The following SH3KBP1 variants were observed in gnomAD, a reference collection of about 807,000 sequenced individuals.
SH3KBP1 encodes the protein SH3 domain-containing kinase-binding protein 1.
Under a neutral mutation model 50.1 loss-of-function variants are expected in SH3KBP1, and 8 were observed. The ratio of observed to expected loss-of-function variants is 0.16; its 90% CI spans 0.09 to 0.29. The LOEUF is 0.29. Ranked by LOEUF, SH3KBP1 falls within the 10% of genes least tolerant of loss-of-function variation. The pLI is 1.00. For synonymous variants in SH3KBP1, 227 were observed against 218.6 expected (o/e 1.04, Z -0.34); for missense variants, 377 against 535.2 (o/e 0.70, Z 2.92).
At chrX:19,749,955 C>T (rs2065015817) in intron 2 of SH3KBP1, among the ~76,000 whole-genome samples, 2 of 112,089 alleles carry the variant, frequency 1.8e-5, no homozygotes. Flanking sequence ...TATGGCCCTA[C>T]TCAGACACCC....
intron 9 of SH3KBP1, among the ~76,000 whole-genome samples, chrX:19,603,495 G>C (rs943163661): frequency 8.9e-6 from 1 of 111,958 alleles, no homozygotes; most frequent in Non-Finnish European, 1.9e-5. Flanking sequence ...GGACATCTTC[G>C]AGGGCAGGTT....
At chrX:19,782,845 G>A (rs2066221876) in intron 2 of SH3KBP1, among the ~76,000 whole-genome samples, 1 of 111,680 alleles carries the variant, frequency 9.0e-6, no homozygotes, top group African/African-American at 3.3e-5. Flanking sequence ...GGTGGCTCAT[G>A]CCTGTAATCC....
At chrX:19,794,270 T>C (rs2066637528) in intron 2 of SH3KBP1, among the ~76,000 whole-genome samples, 2 of 104,237 alleles carry the variant, frequency 1.9e-5, no homozygotes, top group South Asian at 8.5e-4. Flanking sequence ...GGCATGGTGG[T>C]GTGCAACTAT....
chrX:19,539,143 C>T (rs1457239937), intron 16 of SH3KBP1, among the ~76,000 whole-genome samples: 1 of 112,218 alleles, frequency 8.9e-6, no homozygotes, highest in Non-Finnish European at 1.9e-5. Flanking sequence ...TAGGACACTG[C>T]AAGCATCCAA....
Position 19,887,296 on chromosome X carries a change from C to T in SH3KBP1, c.4+11G>A, listed in dbSNP as rs2069623205. 2.1e-6 allele frequency: 2 copies of T among 973,686 alleles called. No homozygotes were observed. Among genetic ancestry groups the T allele is most frequent in the African/African-American group, 2.0e-5 (1 of 49,377 alleles). 80.2% of individuals were successfully genotyped at this position (973,686 alleles called of 1,213,427 possible). On this transcript the variant is annotated intron_variant, in intron 1 of 17. Transcript: ENST00000397821. ...GAAGTGGACGCCCGGACGCGGGCGGCCCCCACTCACCCATTGGCGTCGAGC... is the reference window on the plus strand; with the variant it reads ...GAAGTGGACGCCCGGACGCGGGCGGTCCCCACTCACCCATTGGCGTCGAGC...
At chrX:19,823,277 T>C (rs1183786911) in intron 2 of SH3KBP1, among the ~76,000 whole-genome samples, 1 of 112,070 alleles carries the variant, frequency 8.9e-6, no homozygotes, top group African/African-American at 3.3e-5. Flanking sequence ...AAAGTCCCGA[T>C]AGGCTCAACT....
intron 2 of SH3KBP1, among the ~76,000 whole-genome samples, chrX:19,797,098 G>A (rs755281000): frequency 8.9e-6 from 1 of 112,637 alleles, no homozygotes; most frequent in East Asian, 2.8e-4. Context: ...TGCCCTCATG[G>A]AGCTAAAATT....
intron 2 of SH3KBP1, among the ~76,000 whole-genome samples, chrX:19,830,426 T>C (rs2067837009): frequency 9.0e-6 from 1 of 111,035 alleles, no homozygotes; most frequent in Non-Finnish European, 1.9e-5. Context: ...TGAATACTTT[T>C]GTAAAGGGGA....
chrX:19,581,788 AACTCATCAGTC>A lies in SH3KBP1; in HGVS notation c.1298+6844_1298+6854del, dbSNP rs1199231283. On this transcript the variant is annotated intron_variant, in intron 12 of 17. Coordinates refer to ENST00000397821, the MANE Select transcript of SH3KBP1 (RefSeq NM_031892.3). ...TTTGCCTCAAGCTAAAATGCTTCAG[AACTCATCAGTC>A]ACTTAACTCCCAGTGTTTCTCTGAA... 2.8e-5 allele frequency among the ~76,000 whole-genome samples: 3 copies of A among 108,248 alleles called. No individual in the cohort carries two copies. The South Asian group carries it at 1.2e-3, about 45-fold the overall frequency. The allele number at this position is 108,248 out of a possible 115,157, so 94.0% of individuals were successfully genotyped here.
intron 2 of SH3KBP1, among the ~76,000 whole-genome samples, chrX:19,753,676 C>CTGTA (rs1258252350): frequency 8.9e-6 from 1 of 111,745 alleles, no homozygotes; most frequent in East Asian, 2.8e-4. Context: ...GGAGCTTCAG[C>CTGTA]TGTAGCTTTA....
At position 19,873,293 on chromosome X, in the gene SH3KBP1, T is replaced by TATATATATATATATATATACATATAC. The variant is rs1234936075; in HGVS notation, c.4+13988_4+14013dup. Among the ~76,000 whole-genome samples the TATATATATATATATATATACATATAC allele has an allele frequency of 1.1e-4, 9 of 84,367 alleles. 1 individual carries two copies. Among genetic ancestry groups the TATATATATATATATATATACATATAC allele is most frequent in the Non-Finnish European group, 1.7e-4 (8 of 46,017 alleles). The allele number at this position is 84,367 out of a possible 115,157, so 73.3% of individuals were successfully genotyped here. A position where few individuals can be genotyped will look rare whatever the true frequency, so the allele number is the denominator to read the frequency against. ...AAGGACATATATATATATATATGTA[T>TATATATATATATATATATACATATAC]ATATATATATATATATATACATATA... On this transcript the variant is annotated intron_variant, in intron 1 of 17. Coordinates refer to ENST00000397821, the MANE Select transcript of SH3KBP1 (RefSeq NM_031892.3).
intron 16 of SH3KBP1, among the ~76,000 whole-genome samples, chrX:19,540,990 C>G (rs1425526335): frequency 9.0e-6 from 1 of 110,637 alleles, no homozygotes; most frequent in South Asian, 3.9e-4. Context: ...TCTTGGCTCA[C>G]TGCAACCTCC....
chrX:19,691,354 C>CTATATA (rs1173101409), intron 5 of SH3KBP1, among the ~76,000 whole-genome samples: 6 of 81,513 alleles, frequency 7.4e-5, no homozygotes, highest in African/African-American at 3.2e-4. Flanking sequence ...CTCTCTCTCT[C>CTATATA]TCTATATATA....
chrX:19,770,799 C>T lies in SH3KBP1; in HGVS notation c.163-24358G>A, dbSNP rs751577838. On this transcript the variant is annotated intron_variant, in intron 2 of 17. Transcript: ENST00000397821. Reference sequence around the variant, plus strand: ...TGATATGCATTTCCCTAATGATCAACGATATTGAGCTTTTTTTCATATTCT... The same window carrying T: ...TGATATGCATTTCCCTAATGATCAATGATATTGAGCTTTTTTTCATATTCT... 1.1e-4 allele frequency among the ~76,000 whole-genome samples: 12 copies of T among 109,936 alleles called. No homozygotes were observed. In the South Asian group the frequency reaches 2.7e-3, roughly 25 times the overall value.
At chrX:19,572,294 A>G (rs1410759065) in intron 12 of SH3KBP1, among the ~76,000 whole-genome samples, 1 of 106,602 alleles carries the variant, frequency 9.4e-6, no homozygotes, top group South Asian at 3.8e-4. Context: ...ATAGTCATAT[A>G]TGTTATATAT....
intron 8 of SH3KBP1, among the ~76,000 whole-genome samples, chrX:19,616,585 T>C (rs1023045734): frequency 9.1e-6 from 1 of 110,192 alleles, no homozygotes; most frequent in Non-Finnish European, 1.9e-5. Flanking sequence ...TCATTTGCGA[T>C]TATATTATCT....
intron 6 of SH3KBP1, among the ~76,000 whole-genome samples, chrX:19,679,286 G>A (rs922316859): frequency 2.7e-5 from 3 of 112,115 alleles, no homozygotes; most frequent in Non-Finnish European, 5.6e-5. Flanking sequence ...TCTCCCTCAC[G>A]ACTGTATCCT....
At chrX:19,786,971 ATATC>A (rs1167821749) in intron 2 of SH3KBP1, among the ~76,000 whole-genome samples, 1 of 112,246 alleles carries the variant, frequency 8.9e-6, no homozygotes, top group African/African-American at 3.2e-5. Flanking sequence ...AAATCATTTC[ATATC>A]TATCTTGTGA....
At chrX:19,700,086 G>A (rs775992059) in intron 4 of SH3KBP1, among the ~76,000 whole-genome samples, 1 of 111,559 alleles carries the variant, frequency 9.0e-6, no homozygotes, top group South Asian at 3.7e-4. Context: ...GGGTTTGAGG[G>A]AAGCCTGGGG....
Sources: gnomAD v4.1 joint callset for allele counts (sites outside exome capture counted in the v4.1 genomes callset) on GRCh38, gnomAD v4.1.1 for gene constraint, MANE v1.5 for transcripts, NCBI Gene and HGNC (gene_info 2026-07-23, HGNC 2026-07-21) for gene names.